ESYT3: variants seen among roughly 807,000 people sequenced by gnomAD.
ESYT3 encodes the protein extended synaptotagmin 3.
ESYT3 carries 101 observed loss-of-function variants against 111.5 expected under a neutral mutation model. That is an observed-to-expected ratio of 0.91 (90% confidence interval 0.77 to 1.07). ESYT3 has a LOEUF of 1.07. ESYT3 is among the 50% of genes least tolerant of loss of function. ESYT3 has a pLI of 0.00. For synonymous variants in ESYT3, 416 were observed against 446.8 expected (o/e 0.93, Z 0.87); for missense variants, 1,097 against 1,109.4 (o/e 0.99, Z 0.16).
chr3:138,473,445 C>A, intron 18 of ESYT3, 91 bp from the exon 19 acceptor site: 2 of 1,165,386 alleles, frequency 1.7e-6, no homozygotes, highest in Non-Finnish European at 2.5e-6. Flanking sequence ...CTCTATACTC[C>A]TCAAGCAGGA....
chr3:138,465,522 G>C (rs554103180), intron 10 of ESYT3, 101 bp downstream of exon 10: 119 of 894,224 alleles, frequency 1.3e-4, no homozygotes, highest in Non-Finnish European at 1.8e-4. Context: ...CTAGCAACCC[G>C]CTGTGGTCAC....
At chr3:138,457,235 G>C (rs1394857099) in intron 3 of ESYT3, among the ~76,000 whole-genome samples, 2 of 152,180 alleles carry the variant, frequency 1.3e-5, no homozygotes, top group African/African-American at 4.8e-5. Flanking sequence ...TGTGCTGTGG[G>C]GCCAGTGACT....
intron 4 of ESYT3, 74 bp from the exon 5 acceptor site, chr3:138,459,113 G>T (rs752082758): frequency 7.8e-6 from 10 of 1,274,880 alleles, no homozygotes; most frequent in Non-Finnish European, 9.7e-6. Flanking sequence ...GTGACACTGG[G>T]CAAGTTTCCC....
Position 138,476,348 on chromosome 3 carries a change from G to A in ESYT3, c.2574+20G>A, listed in dbSNP as rs1413701900. 1 of 1,603,044 alleles carries A rather than the reference G, an allele frequency of 6.2e-7. No individual in the cohort carries two copies. The highest frequency in any genetic ancestry group is 8.5e-7 in the Non-Finnish European group (1 of 1,170,078). On this transcript the variant is annotated intron_variant, in intron 21 of 22. Coordinates refer to ENST00000389567, the MANE Select transcript of ESYT3 (RefSeq NM_031913.5). The stretch of plus-strand genomic sequence containing the variant: ...GGAAAAGTAAGTACAAGAGATATTT[G>A]ATATACCAAGGAGATTATGATCAAT...
chr3:138,474,948 T>C (rs1056000896), intron 20 of ESYT3, among the ~76,000 whole-genome samples: 12 of 152,234 alleles, frequency 7.9e-5, no homozygotes, highest in African/African-American at 2.9e-4. Flanking sequence ...TACCTTCTGC[T>C]TCAGGGTTCT....
chr3:138,434,813 G>A lies in ESYT3; in HGVS notation c.15G>A (p.Glu5=). The A allele has an allele frequency of 6.4e-7, 1 of 1,560,656 alleles. No individual in the cohort carries two copies. Among genetic ancestry groups the A allele is most frequent in the Non-Finnish European group, 8.7e-7 (1 of 1,155,400 alleles). ...GCGGCGACGAGATGCGAGCAGAGGA[G>A]CCCTGCGCCCCCGGGGCCCCCAGCG... MRAE[E]PCAPGAPSAL... The change falls in exon 1 of 23, where the codon GAG becomes GAA. Residue 5 remains glutamate (E), a synonymous_variant. Coordinates refer to ENST00000389567, the MANE Select transcript of ESYT3 (RefSeq NM_031913.5).
chr3:138,470,622 GC>G, intron 16 of ESYT3: 3 of 1,253,322 alleles, frequency 2.4e-6, no homozygotes, highest in Non-Finnish European at 2.0e-6. Context: ...AGTCCCCAAA[GC>G]CCCCTGGCTC....
rs2032992183 is a variant in ESYT3, at chr3:138,467,548, C to T, written c.1170-13C>T. The T allele has an allele frequency of 1.2e-6, 2 of 1,614,142 alleles. No homozygotes were observed. The highest frequency in any genetic ancestry group is 1.1e-5 in the South Asian group (1 of 91,076). ...TCTGAGCTGACCCAATCCCCTCTCC[C>T]TGTATATTCCAGCCTGCAGATCTGC... On this transcript the variant is annotated splice_polypyrimidine_tract_variant and intron_variant, in intron 10 of 22. Coordinates refer to ENST00000389567, the MANE Select transcript of ESYT3 (RefSeq NM_031913.5).
intron 8 of ESYT3, chr3:138,462,527 C>T (rs2032705229): frequency 2.1e-6 from 1 of 479,842 alleles, no homozygotes; most frequent in Non-Finnish European, 3.7e-6. Flanking sequence ...CCTTAACTTC[C>T]TTTTACAATT....
chr3:138,450,920 C>T (rs1249709059), intron 1 of ESYT3, among the ~76,000 whole-genome samples: 1 of 152,180 alleles, frequency 6.6e-6, no homozygotes, highest in African/African-American at 2.4e-5. Flanking sequence ...GAATCTGACC[C>T]CAAGCCAGCC....
In ESYT3 at chr3:138,472,802, C is replaced by T. The variant is rs547594435; in HGVS notation, c.2180C>T (p.Ser727Leu). 6.5e-5 allele frequency: 105 copies of T among 1,614,250 alleles called. 1 individual carries two copies. The Middle Eastern group carries it at 8.2e-4, about 13-fold the overall frequency. Residue 727 changes from serine to leucine, a missense_variant, in exon 18 of 23, where the codon TCG becomes TTG. By Grantham distance (145) the Ser-to-Leu change is moderately radical. Coordinates refer to ENST00000389567, the MANE Select transcript of ESYT3 (RefSeq NM_031913.5). ...AAGAGGCTGGCTCCCAGCATGTCCT[C>T]GCTCAACTCCTTGGCCTCTTCTTGC... ...PPKRLAPSMSSLNSLASSCFD... is the reference protein window; with the variant it reads ...PPKRLAPSMSLLNSLASSCFD...
Position 138,459,266 on chromosome 3 carries a change from C to T in ESYT3, c.648+13C>T, listed in dbSNP as rs199936858. On this transcript the variant is annotated intron_variant, in intron 5 of 22. Coordinates refer to ENST00000389567, the MANE Select transcript of ESYT3 (RefSeq NM_031913.5). ...GAACGGGATCCAGGTGGGTGGAGCCCGGTGGGGCTGCCTCTGTTCCAGCCC... is the reference window on the plus strand; with the variant it reads ...GAACGGGATCCAGGTGGGTGGAGCCTGGTGGGGCTGCCTCTGTTCCAGCCC... 126 of 1,540,008 alleles carry T rather than the reference C, an allele frequency of 8.2e-5. No individual in the cohort carries two copies. Among genetic ancestry groups the T allele is most frequent in the Non-Finnish European group, 8.3e-5 (94 of 1,135,054 alleles).
Position 138,460,597 on chromosome 3 carries a change from C to G in ESYT3, c.739-14C>G. On this transcript the variant is annotated splice_polypyrimidine_tract_variant and intron_variant, in intron 6 of 22. Transcript: ENST00000389567. ...AACCCTTTCCAGCCTAATAGCTTCC[C>G]TCTGCCCCTGAAGCACCTACAGATC... The G allele has an allele frequency of 6.2e-7, 1 of 1,613,968 alleles. No homozygotes were observed. Among genetic ancestry groups the G allele is most frequent in the Non-Finnish European group, 8.5e-7 (1 of 1,179,864 alleles).
intron 8 of ESYT3, 123 bp from the exon 9 acceptor site, chr3:138,464,221 TG>T: frequency 8.9e-7 from 1 of 1,118,330 alleles, no homozygotes. Flanking sequence ...TTCTATCTCC[TG>T]GTCCAGACCG....
At chr3:138,442,243 G>A (rs192038844) in intron 1 of ESYT3, among the ~76,000 whole-genome samples, 65 of 152,130 alleles carry the variant, frequency 4.3e-4, no homozygotes, top group African/African-American at 1.5e-3. Context: ...ATGTTTGGGT[G>A]TGCTTCCTTT....
Position 138,452,067 on chromosome 3 carries a change from A to G in ESYT3, c.347A>G (p.Glu116Gly), listed in dbSNP as rs1441323430. Residue 116 changes from glutamate to glycine, a missense_variant, in exon 2 of 23, where the codon GAG becomes GGG. Coordinates refer to ENST00000389567, the MANE Select transcript of ESYT3 (RefSeq NM_031913.5). ...LPAWIHFPDVERVEWANKIIS... is the reference protein window; with the variant it reads ...LPAWIHFPDVGRVEWANKIIS... ...TCCTAGATCCACTTCCCGGACGTGG[A>G]GCGGGTCGAGTGGGCCAACAAGGTA... 1 of 1,606,932 alleles carries G rather than the reference A, an allele frequency of 6.2e-7. No individual in the cohort carries two copies. The highest frequency in any genetic ancestry group is 2.2e-5 in the East Asian group (1 of 44,850).
chr3:138,472,960 T>C, intron 18 of ESYT3, 101 bp downstream of exon 18: 1 of 1,517,712 alleles, frequency 6.6e-7, no homozygotes, highest in Non-Finnish European at 8.8e-7. Context: ...TGCAAGTTGT[T>C]TTTTCACAAA....
At chr3:138,453,728 T>C (rs1299477537) in intron 2 of ESYT3, among the ~76,000 whole-genome samples, 1 of 152,178 alleles carries the variant, frequency 6.6e-6, no homozygotes, top group African/African-American at 2.4e-5. Flanking sequence ...CAGGAGGAAC[T>C]CTACAAGGTT....
chr3:138,452,476 C>T (rs1411038362), intron 2 of ESYT3, among the ~76,000 whole-genome samples: 1 of 152,170 alleles, frequency 6.6e-6, no homozygotes, highest in East Asian at 1.9e-4. Flanking sequence ...TGCCTAACAC[C>T]TCTGAGCTGG....
Sources: allele counts gnomAD v4.1 joint callset (sites outside exome capture counted in the v4.1 genomes callset), GRCh38; gene constraint gnomAD v4.1.1; transcripts MANE v1.5; gene names NCBI Gene and HGNC (gene_info 2026-07-23, HGNC 2026-07-21).